FSIP2: variants seen among roughly 807,000 people sequenced by gnomAD.
FSIP2 encodes the protein fibrous sheath-interacting protein 2.
In FSIP2, 367 loss-of-function variants were observed where a neutral mutation model predicts 510.5. The ratio of observed to expected loss-of-function variants is 0.72; its 90% CI spans 0.66 to 0.78. The LOEUF (loss-of-function observed/expected upper bound fraction) is 0.78. Among genes scored for constraint, FSIP2 ranks in the 30% least tolerant of loss-of-function variants. FSIP2 has a pLI of 0.00. For synonymous variants in FSIP2, 2,601 were observed against 2,732.2 expected, an observed-to-expected ratio of 0.95 and a Z score of 1.50; for missense variants, 7,594 against 7,901.7, an observed-to-expected ratio of 0.96 and a Z score of 1.48.
chr2:185,799,590 G>C, intron 16 of FSIP2, 107 bp from the exon 17 acceptor site: 1 of 478,314 alleles, frequency 2.1e-6, no homozygotes, highest in Non-Finnish European at 3.4e-6. Flanking sequence ...TTTCTTTAGT[G>C]AGTTGCTCAA....
chr2:185,758,311 G>A (rs1559013409), intron 9 of FSIP2, among the ~76,000 whole-genome samples: 1 of 150,900 alleles, frequency 6.6e-6, no homozygotes, highest in African/African-American at 2.4e-5. Context: ...AACATCAAGG[G>A]GTGATAGTTG....
chr2:185,775,230 C>T (rs973402590), intron 13 of FSIP2, among the ~76,000 whole-genome samples: 2 of 148,464 alleles, frequency 1.3e-5, no homozygotes, highest in African/African-American at 5.0e-5. Flanking sequence ...TCTCCACATC[C>T]TCTCCAGCAC....
At chr2:185,777,878 TG>T (rs1439424114) in intron 13 of FSIP2, among the ~76,000 whole-genome samples, 5 of 152,238 alleles carry the variant, frequency 3.3e-5, no homozygotes, top group African/African-American at 1.2e-4. Context: ...GAGTTAATTA[TG>T]TTGCCTGCTT....
At position 185,813,834 on chromosome 2, in the gene FSIP2, C is replaced by G. The variant is rs368822933; in HGVS notation, c.20117C>G (p.Thr6706Arg). ...CTTTCTCCTAAGTCAACACTAAGCA[C>G]GAGCAGCCTGAAAAAATTTTTGTCA... is the stretch of plus-strand genomic sequence containing the variant. ...SKLSPKSTLS[T>R]SSLKKFLSLS... Residue 6706 changes from threonine to arginine, a missense_variant, in exon 18 of 23, where the codon ACG (threonine) becomes AGG (arginine). Transcript: ENST00000424728. 6.2e-7 allele frequency: 1 copy of G among 1,613,416 alleles called. No individual in the cohort carries two copies. Among genetic ancestry groups the G allele is most frequent in the Non-Finnish European group, 8.5e-7 (1 of 1,179,746 alleles).
At position 185,788,749 on chromosome 2, in the gene FSIP2, T is replaced by C; in HGVS notation, c.1613T>C (p.Leu538Ser). The C allele has an allele frequency of 6.5e-7, 1 of 1,534,302 alleles. No individual in the cohort carries two copies. Among genetic ancestry groups the C allele is most frequent in the Non-Finnish European group, 8.7e-7 (1 of 1,145,594 alleles). The change falls in exon 16 of 23, where the codon TTG (leucine) becomes TCG (serine). Residue 538 changes from leucine (L) to serine (S), a missense_variant. Physicochemically the swap from Leu to Ser is moderately radical, Grantham distance 145. Transcript: ENST00000424728. Reference sequence around the variant, plus strand: ...GCCATCACAAAGTATGAAAAAAGATTGCAAAATAATACATACCCAGTATCT... The same window carrying C: ...GCCATCACAAAGTATGAAAAAAGATCGCAAAATAATACATACCCAGTATCT... ...YPAITKYEKRLQNNTYPVSDD... is the reference protein window; with the variant it reads ...YPAITKYEKRSQNNTYPVSDD...
chr2:185,738,679 C>T (rs1230292694), upstream of FSIP2: 2 of 1,535,986 alleles, frequency 1.3e-6, no homozygotes, highest in Non-Finnish European at 1.7e-6. Flanking sequence ...ACCGATTTTC[C>T]CAGCTCTGCG....
In FSIP2 at chr2:185,806,959, A is replaced by C. The variant is rs373057979; in HGVS notation, c.17653A>C (p.Lys5885Gln). Residue 5885 changes from lysine (K) to glutamine (Q), a missense_variant, in exon 17 of 23, where the codon AAA (lysine) becomes CAA (glutamine). Physicochemically the swap from Lys to Gln is moderately conservative, Grantham distance 53 (BLOSUM62 1). Coordinates refer to ENST00000424728, the MANE Select transcript of FSIP2 (RefSeq NM_173651.4). ...TDEAPSSIKI[K>Q]SADKMPPMHK... Reference sequence around the variant, plus strand: ...TGAAGCACCATCCAGCATTAAGATAAAATCTGCAGATAAAATGCCACCTAT... The same window carrying C: ...TGAAGCACCATCCAGCATTAAGATACAATCTGCAGATAAAATGCCACCTAT... 1,082 of 1,611,344 alleles carry C rather than the reference A, an allele frequency of 6.7e-4. 10 individuals carry two copies. In the South Asian group the frequency reaches 0.011, roughly 16 times the overall value.
intron 19 of FSIP2, among the ~76,000 whole-genome samples, chr2:185,818,874 A>G (rs1031588662): frequency 1.3e-5 from 2 of 151,954 alleles, no homozygotes; most frequent in Non-Finnish European, 2.9e-5. Flanking sequence ...AGTAACTCAG[A>G]GCCATATGAA....
intron 22 of FSIP2, among the ~76,000 whole-genome samples, chr2:185,832,171 A>G (rs576086442): frequency 2.2e-4 from 33 of 152,056 alleles, no homozygotes; most frequent in African/African-American, 7.9e-4. Flanking sequence ...TAAAGAGAAA[A>G]ATGACAATAG....
chr2:185,767,145 A>C (rs1366159608), intron 13 of FSIP2, among the ~76,000 whole-genome samples: 1 of 144,750 alleles, frequency 6.9e-6, no homozygotes, highest in African/African-American at 2.6e-5. Flanking sequence ...AGGAAGGGGA[A>C]TATCACACTC....
intron 13 of FSIP2, among the ~76,000 whole-genome samples, chr2:185,781,431 A>T (rs1692846877): frequency 1.3e-5 from 2 of 152,192 alleles, no homozygotes; most frequent in East Asian, 3.9e-4. Flanking sequence ...ACATATTTTC[A>T]GCTTATGATG....
chr2:185,808,382 T>A lies in FSIP2; in HGVS notation c.19076T>A (p.Leu6359Gln). The change falls in exon 17 of 23, where the codon CTA becomes CAA. Residue 6359 changes from leucine (L) to glutamine (Q), a missense_variant. Transcript: ENST00000424728. ...EEVLALFLAK[L>Q]IRLPSSSSKD... Reference sequence around the variant, plus strand: ...GTGTTGGCCTTGTTCTTGGCTAAACTAATAAGGTTGCCAAGTTCCTCAAGC... The same window carrying A: ...GTGTTGGCCTTGTTCTTGGCTAAACAAATAAGGTTGCCAAGTTCCTCAAGC... 1 of 1,611,164 alleles carries A rather than the reference T, an allele frequency of 6.2e-7. No homozygotes were observed. The highest frequency in any genetic ancestry group is 8.5e-7 in the Non-Finnish European group (1 of 1,179,020).
At chr2:185,827,302 T>G (rs964413105) in intron 20 of FSIP2, among the ~76,000 whole-genome samples, 2 of 151,836 alleles carry the variant, frequency 1.3e-5, no homozygotes, top group East Asian at 1.9e-4. Context: ...GTACTTTATA[T>G]AGTTATTGCT....
Position 185,789,484 on chromosome 2 carries a change from C to T in FSIP2, c.2348C>T (p.Ser783Leu). 1 of 1,534,594 alleles carries T rather than the reference C, an allele frequency of 6.5e-7. No homozygotes were observed. Among genetic ancestry groups the T allele is most frequent in the Non-Finnish European group, 8.7e-7 (1 of 1,145,854 alleles). The change falls in exon 16 of 23, where the codon TCA becomes TTA. Residue 783 changes from serine to leucine, a missense_variant. Transcript: ENST00000424728. Reference protein sequence around the residue: ...KCVEMFSQDLSVDIKPSLAAS... With the variant: ...KCVEMFSQDLLVDIKPSLAAS... ...GTTGAGATGTTTTCACAAGATTTGT[C>T]AGTCGACATTAAACCAAGTTTAGCA... is the stretch of plus-strand genomic sequence containing the variant.
chr2:185,743,039 A>G, intron 2 of FSIP2, 94 bp from the exon 3 acceptor site: 1 of 945,362 alleles, frequency 1.1e-6, no homozygotes, highest in Non-Finnish European at 1.5e-6. Context: ...TTCTTTTGGC[A>G]CATTTTATTT....
Position 185,793,770 on chromosome 2 carries a change from G to A in FSIP2, c.6634G>A (p.Glu2212Lys). The A allele has an allele frequency of 6.5e-7, 1 of 1,532,724 alleles. No homozygotes were observed. Among genetic ancestry groups the A allele is most frequent in the Middle Eastern group, 1.7e-4 (1 of 5,968 alleles). 94.9% of individuals were successfully genotyped at this position (1,532,724 alleles called of 1,614,324 possible). The change falls in exon 16 of 23, where the codon GAG becomes AAG. Residue 2212 changes from glutamate (E) to lysine (K), a missense_variant. Transcript: ENST00000424728. ...LKGSKTERKTERFSYSRNQKS... is the reference protein window; with the variant it reads ...LKGSKTERKTKRFSYSRNQKS... Reference sequence around the variant, plus strand: ...GGGGTCAAAAACTGAAAGAAAAACAGAGCGTTTTTCATATTCAAGAAATCA... The same window carrying A: ...GGGGTCAAAAACTGAAAGAAAAACAAAGCGTTTTTCATATTCAAGAAATCA...
chr2:185,764,819 T>C (rs1165807580), intron 13 of FSIP2: 3 of 321,414 alleles, frequency 9.3e-6, no homozygotes, highest in Admixed American at 4.9e-5. Flanking sequence ...CATAGACCTA[T>C]CTAGGGTCAT....
In FSIP2 at chr2:185,800,170, G is replaced by C; in HGVS notation, c.10864G>C (p.Asp3622His). The change falls in exon 17 of 23, where the codon GAT (aspartate) becomes CAT (histidine). Residue 3622 changes from aspartate (D) to histidine (H), a missense_variant. Physicochemically the swap from Asp to His is moderately conservative, Grantham distance 81. Coordinates refer to ENST00000424728, the MANE Select transcript of FSIP2 (RefSeq NM_173651.4). ...IHVLSKEIEV[D>H]YHFESNVRNK... Reference sequence around the variant, plus strand: ...TGTACTGTCCAAAGAAATAGAAGTAGATTATCACTTTGAAAGCAATGTAAG... The same window carrying C: ...TGTACTGTCCAAAGAAATAGAAGTACATTATCACTTTGAAAGCAATGTAAG... The C allele has an allele frequency of 6.5e-7, 1 of 1,533,072 alleles. No homozygotes were observed. Among genetic ancestry groups the C allele is most frequent in the South Asian group, 1.2e-5 (1 of 83,708 alleles). The allele number at this position is 1,533,072 out of a possible 1,614,324, so 95.0% of individuals were successfully genotyped here. A position where few individuals can be genotyped will look rare whatever the true frequency, so the allele number is the denominator to read the frequency against.
At position 185,792,811 on chromosome 2, in the gene FSIP2, C is replaced by T. The variant is rs369070076; in HGVS notation, c.5675C>T (p.Thr1892Met). Residue 1892 changes from threonine (T) to methionine (M), a missense_variant, in exon 16 of 23, where the codon ACG (threonine) becomes ATG (methionine). Transcript: ENST00000424728. ...EHTYKGKSSV[T>M]ALDENPCTFQ... ...ACCTATAAAGGAAAGTCCTCTGTCA[C>T]GGCTTTGGATGAAAATCCATGTACT... 137 of 1,534,414 alleles carry T rather than the reference C, an allele frequency of 8.9e-5. 2 individuals are homozygous for T. The highest frequency in any genetic ancestry group is 5.6e-4 in the East Asian group (23 of 40,850).
Sources: allele counts gnomAD v4.1 joint callset (sites outside exome capture counted in the v4.1 genomes callset), GRCh38; gene constraint gnomAD v4.1.1; transcripts MANE v1.5; gene names NCBI Gene and HGNC (gene_info 2026-07-23, HGNC 2026-07-21).